Variants in MAGI1 observed in about 807,000 individuals in gnomAD.
The protein encoded by MAGI1 is membrane-associated guanylate kinase, WW and PDZ domain-containing protein 1.
A neutral mutation model predicts 139.9 loss-of-function variants in MAGI1; 58 were observed. The ratio of observed to expected loss-of-function variants is 0.41; its 90% CI spans 0.34 to 0.52. MAGI1 has a LOEUF of 0.52. Among genes scored for constraint, MAGI1 ranks in the 20% least tolerant of loss-of-function variants. The pLI, the probability that MAGI1 is intolerant of heterozygous loss-of-function variation, is 0.12. For synonymous variants in MAGI1, 812 were observed against 737.9 expected, an observed-to-expected ratio of 1.10 and a Z score of -1.63; for missense variants, 1,874 against 1,901.6, an observed-to-expected ratio of 0.99 and a Z score of 0.27.
chr3:65,927,902 C>A (rs1436871605), intron 1 of MAGI1, among the ~76,000 whole-genome samples: 1 of 152,152 alleles, frequency 6.6e-6, no homozygotes, highest in Non-Finnish European at 1.5e-5. Context: ...CTTAACACAG[C>A]ATGTCCTTTT....
chr3:65,458,274 T>A (rs1179489686), intron 5 of MAGI1, among the ~76,000 whole-genome samples: 2 of 152,000 alleles, frequency 1.3e-5, no homozygotes, highest in East Asian at 1.9e-4. Context: ...AGTGCAGGTA[T>A]CTCTTCAATA....
At chr3:66,031,749 G>A (rs892410837) in intron 1 of MAGI1, among the ~76,000 whole-genome samples, 2 of 150,968 alleles carry the variant, frequency 1.3e-5, no homozygotes, top group East Asian at 3.9e-4. Context: ...AAATTGGATT[G>A]TGTTCTGTAG....
chr3:65,481,409 A>T (rs1951278363), intron 3 of MAGI1, among the ~76,000 whole-genome samples: 1 of 152,236 alleles, frequency 6.6e-6, no homozygotes, highest in Non-Finnish European at 1.5e-5. Context: ...TCATTAACTG[A>T]AGACTCTTTA....
intron 1 of MAGI1, among the ~76,000 whole-genome samples, chr3:65,696,589 C>A (rs905972782): frequency 6.6e-6 from 1 of 152,008 alleles, no homozygotes; most frequent in African/African-American, 2.4e-5. Context: ...AGCTTAACTG[C>A]CCATGAAAAT....
At chr3:65,652,319 A>G (rs773451274) in intron 1 of MAGI1, among the ~76,000 whole-genome samples, 40 of 152,206 alleles carry the variant, frequency 2.6e-4, no homozygotes, top group Non-Finnish European at 5.9e-5. Context: ...GGGGAGAGAT[A>G]ACCTACAAAA....
At chr3:65,527,589 GTGGCAGACGCCTGTAGTCCCAGCTAC>G (rs2078445887) in intron 2 of MAGI1, among the ~76,000 whole-genome samples, 1 of 152,118 alleles carries the variant, frequency 6.6e-6, no homozygotes, top group African/African-American at 2.4e-5. Flanking sequence ...ACTAGGTGTG[GTGGCAGACGCCTGTAGTCCCAGCTAC>G]TAGGGAGGCT....
chr3:65,458,559 C>T (rs1166971175), intron 5 of MAGI1, among the ~76,000 whole-genome samples: 1 of 152,050 alleles, frequency 6.6e-6, no homozygotes, highest in Non-Finnish European at 1.5e-5. Context: ...CTCTGATGAT[C>T]AGTGATGTTG....
At chr3:66,027,316 T>A (rs1330498683) in intron 1 of MAGI1, among the ~76,000 whole-genome samples, 3 of 142,510 alleles carry the variant, frequency 2.1e-5, no homozygotes, top group Non-Finnish European at 4.6e-5. Context: ...AAATAAATAA[T>A]AAAAAAAGAG....
intron 1 of MAGI1, among the ~76,000 whole-genome samples, chr3:65,852,685 T>C (rs988380259): frequency 4.0e-5 from 6 of 151,872 alleles, no homozygotes; most frequent in Admixed American, 2.0e-4. Context: ...GTATTTTTAG[T>C]AGAGACAGGG....
rs113480085 is a variant in MAGI1, at chr3:65,701,639, A to T, written c.314-79551T>A. 2.6e-5 allele frequency among the ~76,000 whole-genome samples: 4 copies of T among 152,196 alleles called. No individual in the cohort carries two copies. In the East Asian group the frequency reaches 7.7e-4, roughly 29 times the overall value. On this transcript the variant is annotated intron_variant, in intron 1 of 22. Transcript: ENST00000402939. ...CCTTGAGCTTCCAAGACAGACCCCAAATAAAGGCACTTTTATTATAGGACT... is the reference window on the plus strand; with the variant it reads ...CCTTGAGCTTCCAAGACAGACCCCATATAAAGGCACTTTTATTATAGGACT...
chr3:65,868,408 G>A (rs1284939721), intron 1 of MAGI1, among the ~76,000 whole-genome samples: 1 of 152,148 alleles, frequency 6.6e-6, no homozygotes, highest in East Asian at 1.9e-4. Context: ...CACACCAAAT[G>A]TTGACGGGTA....
intron 1 of MAGI1, among the ~76,000 whole-genome samples, chr3:65,906,281 A>C (rs4688610): frequency 6.6e-6 from 1 of 152,154 alleles, no homozygotes; most frequent in Non-Finnish European, 1.5e-5. Flanking sequence ...TAAAAGCTCC[A>C]TGAAGAAGGA....
intron 2 of MAGI1, among the ~76,000 whole-genome samples, chr3:65,506,355 C>A (rs1314217542): frequency 6.6e-6 from 1 of 152,176 alleles, no homozygotes; most frequent in Non-Finnish European, 1.5e-5. Context: ...CCGCCCCCAA[C>A]AACATACTCT....
intron 1 of MAGI1, among the ~76,000 whole-genome samples, chr3:65,763,711 A>G (rs190845012): frequency 3.4e-4 from 52 of 152,146 alleles, no homozygotes; most frequent in African/African-American, 1.2e-3. Context: ...ACAGTCTTCT[A>G]GGTGGAAGCA....
At chr3:65,910,850 G>T (rs1337923870) in intron 1 of MAGI1, among the ~76,000 whole-genome samples, 2 of 21,220 alleles carry the variant, frequency 9.4e-5, no homozygotes, top group Non-Finnish European at 1.7e-4. Context: ...TTCAGACATG[G>T]TGGACTTTTT....
chr3:66,009,489 G>A (rs774592087), intron 1 of MAGI1, among the ~76,000 whole-genome samples: 66 of 152,040 alleles, frequency 4.3e-4, no homozygotes, highest in Non-Finnish European at 9.1e-4. Context: ...CAGCCTGGGC[G>A]ACAAGAGTAA....
intron 1 of MAGI1, among the ~76,000 whole-genome samples, chr3:65,663,566 G>A (rs1440340423): frequency 6.6e-6 from 1 of 152,176 alleles, no homozygotes; most frequent in African/African-American, 2.4e-5. Flanking sequence ...AGGGCTTTGT[G>A]TCTTTACAGA....
chr3:65,894,808 C>T (rs2060906196), intron 1 of MAGI1, among the ~76,000 whole-genome samples: 1 of 152,208 alleles, frequency 6.6e-6, no homozygotes, highest in Admixed American at 6.5e-5. Context: ...TTGAAAAGGC[C>T]AATCCCAGCT....
intron 1 of MAGI1, among the ~76,000 whole-genome samples, chr3:65,627,645 C>T (rs1264908035): frequency 6.6e-6 from 1 of 151,318 alleles, no homozygotes; most frequent in Non-Finnish European, 1.5e-5. Context: ...GCAGCTGGGA[C>T]TACAGGTGAC....
Sources: allele counts gnomAD v4.1 joint callset (sites outside exome capture counted in the v4.1 genomes callset), GRCh38; gene constraint gnomAD v4.1.1; transcripts MANE v1.5; gene names NCBI Gene and HGNC (gene_info 2026-07-23, HGNC 2026-07-21).